The following SCN4B variants were observed in gnomAD, a reference collection of about 807,000 sequenced individuals.
The protein encoded by SCN4B is sodium voltage-gated channel beta subunit 4, also known as sodium channel regulatory subunit beta-4.
Under a neutral mutation model 19.6 loss-of-function variants are expected in SCN4B, and 20 were observed. The observed-to-expected ratio is 1.02, with a 90% CI of 0.72 to 1.48. The LOEUF is 1.48. SCN4B is among the 40% of genes most tolerant of loss of function. The pLI is 0.00. For missense variants in SCN4B, 271 were observed against 287.5 expected (o/e 0.94, Z 0.42); for synonymous variants, 127 against 122.8 (o/e 1.03, Z -0.22).
Position 118,143,843 on chromosome 11 carries a change from G to A in SCN4B, c.453C>T (p.Val151=), listed in dbSNP as rs749814785. 6 of 1,612,102 alleles carry A rather than the reference G, an allele frequency of 3.7e-6. No homozygotes were observed. In the South Asian group the frequency reaches 5.5e-5, roughly 15 times the overall value. ...LQHHATIFLQ[V]VDRLEEVDNT... ...GCCCCTACTGCATACGTCTATCAAC[G>A]ACTTGGAGGAAGATGGTGGCGTGGT... Residue 151 remains valine, a synonymous_variant, in exon 3 of 5, where the codon GTC becomes GTT. Coordinates refer to ENST00000324727, the MANE Select transcript of SCN4B (RefSeq NM_174934.4).
chr11:118,134,353 T>C lies in SCN4B; in HGVS notation c.*2674A>G. 6.6e-6 allele frequency: 3 copies of C among 454,076 alleles called. No individual in the cohort carries two copies. The highest frequency in any genetic ancestry group is 1.3e-5 in the Non-Finnish European group (3 of 226,738). 28.1% of individuals were successfully genotyped at this position (454,076 alleles called of 1,614,324 possible). On this transcript the variant is annotated 3_prime_UTR_variant, in exon 5 of 5. Transcript: ENST00000324727. Reference sequence around the variant, plus strand: ...GTGGCTCTCTCTAGCCCACAAGCCCTGGAAGCCACCATCAGAGATTTGCAT... The same window carrying C: ...GTGGCTCTCTCTAGCCCACAAGCCCCGGAAGCCACCATCAGAGATTTGCAT...
At chr11:118,138,488 CTCTCTG>C (rs755839458) in intron 4 of SCN4B, among the ~76,000 whole-genome samples, 39 of 152,316 alleles carry the variant, frequency 2.6e-4, no homozygotes, top group Non-Finnish European at 4.4e-4. Context: ...CCATCTCTCT[CTCTCTG>C]TCTCTCTCTC....
chr11:118,145,690 G>T, intron 1 of SCN4B: 1 of 310,714 alleles, frequency 3.2e-6, no homozygotes, highest in Non-Finnish European at 6.3e-6. Flanking sequence ...CGGGCGGGGC[G>T]GTCGAGGAGG....
intron 1 of SCN4B, among the ~76,000 whole-genome samples, chr11:118,151,149 C>CACACAT (rs1948229947): frequency 7.2e-6 from 1 of 138,962 alleles, no homozygotes; most frequent in Non-Finnish European, 1.6e-5. Flanking sequence ...CACACACACA[C>CACACAT]ACATCATTTT....
chr11:118,144,014 C>T lies in SCN4B; in HGVS notation c.282G>A (p.Thr94=), dbSNP rs369033421. The change falls in exon 3 of 5, where the codon ACG becomes ACA. Residue 94 remains threonine (T), a synonymous_variant. Transcript: ENST00000324727. ...VKNEKSDPKV[T]LKDDDRITLV... Reference sequence around the variant, plus strand: ...GAGTGATGCGGTCATCGTCTTTCAACGTCACCTTGGGGTCAGACTTCTCAT... The same window carrying T: ...GAGTGATGCGGTCATCGTCTTTCAATGTCACCTTGGGGTCAGACTTCTCAT... 137 of 1,614,136 alleles carry T rather than the reference C, an allele frequency of 8.5e-5. 3 individuals are homozygous for T. The highest frequency in any genetic ancestry group is 8.3e-4 in the South Asian group (76 of 91,088).
chr11:118,135,875 C>G lies in SCN4B; in HGVS notation c.*1152G>C, dbSNP rs1481179281. The G allele has an allele frequency of 2.2e-6, 1 of 454,270 alleles. No homozygotes were observed. The highest frequency in any genetic ancestry group is 4.4e-6 in the Non-Finnish European group (1 of 226,730). 28.1% of individuals were successfully genotyped at this position (454,270 alleles called of 1,614,324 possible). ...TGGGCACCCACTCCCTGCTCCTCCC[C>G]AACCCCAGGGTGGGAGGGGGTGGCC... is the stretch of plus-strand genomic sequence containing the variant. On this transcript the variant is annotated 3_prime_UTR_variant, in exon 5 of 5. Coordinates refer to ENST00000324727, the MANE Select transcript of SCN4B (RefSeq NM_174934.4).
rs543593401 is a variant in SCN4B at position 118,136,843 on chromosome 11, G to C, written c.*184C>G. On this transcript the variant is annotated 3_prime_UTR_variant, in exon 5 of 5. Transcript: ENST00000324727. The stretch of plus-strand genomic sequence containing the variant: ...CTCCCCTGGCCATCCCTTGTCCCTG[G>C]GGAGCCCTGACTGGGAAGGGGATGG... The C allele has an allele frequency of 1.5e-6, 1 of 687,780 alleles. No homozygotes were observed. The highest frequency in any genetic ancestry group is 1.5e-5 in the South Asian group (1 of 66,530). 42.6% of individuals were successfully genotyped at this position (687,780 alleles called of 1,614,324 possible). A position where few individuals can be genotyped will look rare whatever the true frequency, so the allele number is the denominator to read the frequency against.
intron 4 of SCN4B, among the ~76,000 whole-genome samples, chr11:118,138,775 T>C (rs1948057242): frequency 6.6e-6 from 1 of 152,122 alleles, no homozygotes; most frequent in South Asian, 2.1e-4. Flanking sequence ...GAAGTATACC[T>C]TAAACTTCCA....
At chr11:118,144,279 C>T (rs752692265) in intron 2 of SCN4B, among the ~76,000 whole-genome samples, 15 of 152,170 alleles carry the variant, frequency 9.9e-5, no homozygotes, top group Non-Finnish European at 2.1e-4. Flanking sequence ...AGGCTAAACC[C>T]ATTTCCTTTT....
chr11:118,135,038 C>T lies in SCN4B; in HGVS notation c.*1989G>A, dbSNP rs569623571. 1.8e-5 allele frequency: 8 copies of T among 454,136 alleles called. No homozygotes were observed. In the East Asian group the frequency reaches 5.6e-4, roughly 32 times the overall value. 28.1% of individuals were successfully genotyped at this position (454,136 alleles called of 1,614,324 possible). Reference sequence around the variant, plus strand: ...AGACAGAAGGAGGAGCCCCAAGGTGCTCTGCCTCTTCAAATGTCACCATTG... The same window carrying T: ...AGACAGAAGGAGGAGCCCCAAGGTGTTCTGCCTCTTCAAATGTCACCATTG... On this transcript the variant is annotated 3_prime_UTR_variant, in exon 5 of 5. Coordinates refer to ENST00000324727, the MANE Select transcript of SCN4B (RefSeq NM_174934.4).
At chr11:118,137,879 C>G (rs1032245856) in intron 4 of SCN4B, among the ~76,000 whole-genome samples, 7 of 152,102 alleles carry the variant, frequency 4.6e-5, no homozygotes, top group East Asian at 1.9e-4. Context: ...TCCCTGAGCT[C>G]TCCGTGACTA....
intron 1 of SCN4B, among the ~76,000 whole-genome samples, chr11:118,146,124 C>T (rs1399658666): frequency 6.6e-6 from 1 of 152,052 alleles, no homozygotes; most frequent in Non-Finnish European, 1.5e-5. Context: ...CCCTGCAGCC[C>T]GGCCTTCTCG....
At chr11:118,152,483 C>A in intron 1 of SCN4B, 130 bp downstream of exon 1, 1 of 757,496 alleles carries the variant, frequency 1.3e-6, no homozygotes, top group Non-Finnish European at 2.3e-6. Flanking sequence ...GGCAGGAAGC[C>A]GGCGGCCACC....
chr11:118,136,983 A>G lies in SCN4B; in HGVS notation c.*44T>C. 1 of 1,366,344 alleles carries G rather than the reference A, an allele frequency of 7.3e-7. No individual in the cohort carries two copies. Among genetic ancestry groups the G allele is most frequent in the Non-Finnish European group, 1.0e-6 (1 of 955,782 alleles). The allele number at this position is 1,366,344 out of a possible 1,614,324, so 84.6% of individuals were successfully genotyped here. ...TCGGGGCTCAAGCATCAGTTTCATC[A>G]TCAGAAAGGGGGCTCCCTGCAGCTG... On this transcript the variant is annotated 3_prime_UTR_variant, in exon 5 of 5. Coordinates refer to ENST00000324727, the MANE Select transcript of SCN4B (RefSeq NM_174934.4).
chr11:118,137,230 T>C, intron 4 of SCN4B, 110 bp from the exon 5 acceptor site: 2 of 785,622 alleles, frequency 2.5e-6, no homozygotes, highest in Non-Finnish European at 4.5e-6. Flanking sequence ...TCCCTGGCCT[T>C]CTACAGAGCT....
At chr11:118,146,888 C>G (rs1480191211) in intron 1 of SCN4B, among the ~76,000 whole-genome samples, 1 of 152,342 alleles carries the variant, frequency 6.6e-6, no homozygotes, top group South Asian at 2.1e-4. Context: ...ATCTACCCAC[C>G]AGGGCTCCAA....
At chr11:118,141,712 G>GA (rs1425145187) in intron 3 of SCN4B, 6 of 293,550 alleles carry the variant, frequency 2.0e-5, no homozygotes, top group East Asian at 1.7e-4. Context: ...TGCTCACACA[G>GA]AAAAAATTAA....
chr11:118,136,775 C>A lies in SCN4B; in HGVS notation c.*252G>T, dbSNP rs947842792. The A allele has an allele frequency of 1.6e-6, 1 of 615,996 alleles. No individual in the cohort carries two copies. The highest frequency in any genetic ancestry group is 3.0e-6 in the Non-Finnish European group (1 of 331,054). 38.2% of individuals were successfully genotyped at this position (615,996 alleles called of 1,614,324 possible). A position where few individuals can be genotyped will look rare whatever the true frequency, so the allele number is the denominator to read the frequency against. The stretch of plus-strand genomic sequence containing the variant: ...TCAGGGGACCAGCCCCTCCACACCA[C>A]CCTAGCCTCTCCTTTCTTTCTCCTG... On this transcript the variant is annotated 3_prime_UTR_variant, in exon 5 of 5. Coordinates refer to ENST00000324727, the MANE Select transcript of SCN4B (RefSeq NM_174934.4).
chr11:118,145,561 G>C, intron 1 of SCN4B: 1 of 989,228 alleles, frequency 1.0e-6, no homozygotes, highest in South Asian at 1.6e-5. Flanking sequence ...ACCTGGGGAC[G>C]CAGTGCCTGG....
Sources: allele counts gnomAD v4.1 joint callset (sites outside exome capture counted in the v4.1 genomes callset), GRCh38; gene constraint gnomAD v4.1.1; transcripts MANE v1.5; gene names NCBI Gene and HGNC (gene_info 2026-07-23, HGNC 2026-07-21).